The following XRRA1 variants were observed in gnomAD, a reference collection of about 807,000 sequenced individuals.
The protein encoded by XRRA1 is X-ray radiation resistance associated 1.
Under a neutral mutation model 80.2 loss-of-function variants are expected in XRRA1, and 69 were observed. The ratio of observed to expected loss-of-function variants is 0.86; its 90% CI spans 0.71 to 1.05. The LOEUF (loss-of-function observed/expected upper bound fraction) is 1.05, where lower values mean the gene tolerates loss of function less well. Among genes scored for constraint, XRRA1 ranks in the 50% least tolerant of loss-of-function variants. The pLI is 0.00. For synonymous variants in XRRA1, 348 were observed against 389.9 expected (o/e 0.89, Z 1.27); for missense variants, 967 against 976.4 (o/e 0.99, Z 0.13).
chr11:74,882,476 T>G (rs2047896579), intron 10 of XRRA1, among the ~76,000 whole-genome samples: 1 of 152,112 alleles, frequency 6.6e-6, no homozygotes, highest in Non-Finnish European at 1.5e-5. Context: ...TAGCTCAGAG[T>G]AATTTGATCG....
chr11:74,923,281 G>C (rs1170957403), intron 7 of XRRA1, among the ~76,000 whole-genome samples: 2 of 152,192 alleles, frequency 1.3e-5, no homozygotes, highest in African/African-American at 4.8e-5. Context: ...GAAGTCCCTG[G>C]CATAAGAAAT....
chr11:74,949,013 G>C lies in XRRA1; in HGVS notation c.-158C>G, dbSNP rs1948232760. 1.2e-5 allele frequency: 4 copies of C among 323,936 alleles called. No individual in the cohort carries two copies. The South Asian group carries it at 1.5e-4, about 12-fold the overall frequency. 20.1% of individuals were successfully genotyped at this position (323,936 alleles called of 1,614,324 possible). On this transcript the variant is annotated 5_prime_UTR_variant, in exon 1 of 19. Coordinates refer to ENST00000684022, the MANE Select transcript of XRRA1 (RefSeq NM_001378157.1). ...GGATGCGCGCCTGCGAGCCCCCCGG[G>C]GATCTCGGAGCCGCTCCACTGCGGT...
intron 5 of XRRA1, among the ~76,000 whole-genome samples, chr11:74,932,757 C>G (rs539630408): frequency 1.3e-5 from 2 of 152,292 alleles, no homozygotes; most frequent in South Asian, 4.1e-4. Flanking sequence ...GAGGGCCTCT[C>G]AGCCACAAGA....
At chr11:74,888,454 C>G (rs1591052366) in intron 10 of XRRA1, among the ~76,000 whole-genome samples, 2 of 152,230 alleles carry the variant, frequency 1.3e-5, no homozygotes, top group South Asian at 4.1e-4. Flanking sequence ...TAGATAAAAC[C>G]ACAAAGATGG....
intron 2 of XRRA1, among the ~76,000 whole-genome samples, chr11:74,943,569 C>CAGAGAGAGAG (rs141326220): frequency 1.2e-5 from 1 of 86,654 alleles, no homozygotes; most frequent in African/African-American, 4.0e-5. Flanking sequence ...GTGTATGTGT[C>CAGAGAGAGAG]AGAGAGAGAG....
intron 2 of XRRA1, among the ~76,000 whole-genome samples, chr11:74,943,033 T>C (rs1946654408): frequency 6.6e-6 from 1 of 152,116 alleles, no homozygotes; most frequent in Non-Finnish European, 1.5e-5. Context: ...TCAGGGACAG[T>C]TGTGATGGGA....
At chr11:74,850,704 T>G (rs1215295531) in intron 14 of XRRA1, among the ~76,000 whole-genome samples, 1 of 152,190 alleles carries the variant, frequency 6.6e-6, no homozygotes, top group Non-Finnish European at 1.5e-5. Flanking sequence ...GCTATTCTTT[T>G]TTTTGTTTTG....
Position 74,843,163 on chromosome 11 carries a change from A to C in XRRA1, c.*37T>G. On this transcript the variant is annotated 3_prime_UTR_variant, in exon 19 of 19. Transcript: ENST00000684022. ...CAGAGCCCTCGGGGAGAGCTGGGGCACAGGCCGGGTGGTGCACACAGCCCC... is the reference window on the plus strand; with the variant it reads ...CAGAGCCCTCGGGGAGAGCTGGGGCCCAGGCCGGGTGGTGCACACAGCCCC... The C allele has an allele frequency of 3.3e-6, 5 of 1,525,682 alleles. No homozygotes were observed. Among genetic ancestry groups the C allele is most frequent in the Non-Finnish European group, 3.5e-6 (4 of 1,131,994 alleles). The allele number at this position is 1,525,682 out of a possible 1,614,324, so 94.5% of individuals were successfully genotyped here.
At chr11:74,917,065 G>A (rs912530822) in intron 8 of XRRA1, among the ~76,000 whole-genome samples, 55 of 152,316 alleles carry the variant, frequency 3.6e-4, no homozygotes, top group African/African-American at 1.2e-3. Flanking sequence ...CTCTTCAGCT[G>A]GAGCAGAAAG....
Position 74,921,328 on chromosome 11 carries a change from T to C in XRRA1, c.542A>G (p.Asn181Ser). The change falls in exon 8 of 19, where the codon AAC becomes AGC. Residue 181 changes from asparagine (N) to serine (S), a missense_variant. Physicochemically the swap from Asn to Ser is conservative, Grantham distance 46 (BLOSUM62 1). Transcript: ENST00000684022. ...KLLEFLDLSFNSLTVEAICDL... is the reference protein window; with the variant it reads ...KLLEFLDLSFSSLTVEAICDL... The stretch of plus-strand genomic sequence containing the variant: ...ACAGATGGCCTCCACAGTCAGGCTG[T>C]TGAAGGAAAGGTCCAAGAACTGCCA... 6.2e-7 allele frequency: 1 copy of C among 1,613,928 alleles called. No homozygotes were observed. Among genetic ancestry groups the C allele is most frequent in the Non-Finnish European group, 8.5e-7 (1 of 1,179,856 alleles).
intron 10 of XRRA1, among the ~76,000 whole-genome samples, chr11:74,867,294 G>A (rs181546698): frequency 6.6e-6 from 1 of 152,272 alleles, no homozygotes; most frequent in East Asian, 1.9e-4. Context: ...TGACATTCAG[G>A]AGAAAGTTGA....
At chr11:74,869,792 A>C (rs563783365) in intron 10 of XRRA1, among the ~76,000 whole-genome samples, 7 of 152,304 alleles carry the variant, frequency 4.6e-5, no homozygotes, top group Non-Finnish European at 8.8e-5. Context: ...TCAGGCACCT[A>C]TAAGAGCCCC....
intron 12 of XRRA1, among the ~76,000 whole-genome samples, chr11:74,852,317 G>C (rs182265658): frequency 6.0e-4 from 92 of 152,276 alleles, no homozygotes; most frequent in Non-Finnish European, 9.3e-4. Flanking sequence ...TCACTGTTGC[G>C]TGTTTAAGAG....
chr11:74,935,774 A>T lies in XRRA1; in HGVS notation c.279+1110T>A, dbSNP rs1202625978. On this transcript the variant is annotated intron_variant, in intron 4 of 18. Transcript: ENST00000684022. ...GAACTATCCAATAGGCAGAGTGGATACCCCATGATTCTGAAAAACATCCTT... is the reference window on the plus strand; with the variant it reads ...GAACTATCCAATAGGCAGAGTGGATTCCCCATGATTCTGAAAAACATCCTT... Among the ~76,000 whole-genome samples, 4 of 152,312 alleles carry T rather than the reference A, an allele frequency of 2.6e-5. No individual in the cohort carries two copies. The East Asian group carries it at 7.7e-4, about 29-fold the overall frequency.
Position 74,843,346 on chromosome 11 carries a change from T to G in XRRA1, c.2257A>C (p.Ser753Arg), listed in dbSNP as rs2036913822. 1 of 1,610,384 alleles carries G rather than the reference T, an allele frequency of 6.2e-7. No individual in the cohort carries two copies. Among genetic ancestry groups the G allele is most frequent in the African/African-American group, 1.3e-5 (1 of 74,872 alleles). The change falls in exon 19 of 19, where the codon AGT (serine) becomes CGT (arginine). Residue 753 changes from serine (S) to arginine (R), a missense_variant. Transcript: ENST00000684022. The part of the protein sequence containing the change: ...EFQARYRQLV[S>R]GSLRTVFGTT... ...CCGAACACTGTGCGCAGAGAGCCACTCACCAGCTGCCGGTAACGTGCCTGG... is the reference window on the plus strand; with the variant it reads ...CCGAACACTGTGCGCAGAGAGCCACGCACCAGCTGCCGGTAACGTGCCTGG...
intron 10 of XRRA1, among the ~76,000 whole-genome samples, chr11:74,877,278 A>G (rs2046251712): frequency 6.6e-6 from 1 of 152,182 alleles, no homozygotes; most frequent in African/African-American, 2.4e-5. Context: ...ATGGCAAGTC[A>G]AGGGGGAATA....
Position 74,845,114 on chromosome 11 carries a change from A to C in XRRA1, c.1886T>G (p.Leu629Arg). The change falls in exon 16 of 19, where the codon CTG becomes CGG. Residue 629 changes from leucine (L) to arginine (R), a missense_variant. Leu to Arg is a moderately radical substitution (Grantham distance 102). Coordinates refer to ENST00000684022, the MANE Select transcript of XRRA1 (RefSeq NM_001378157.1). The stretch of plus-strand genomic sequence containing the variant: ...GGCTGGATCAGGCTTGGCTGTCAGC[A>C]GTTCTTCATAGCCGTGGTACTTGCT... ...LPSKYHGYEE[L>R]LTAKPDPAFI... 6.2e-7 allele frequency: 1 copy of C among 1,614,006 alleles called. No individual in the cohort carries two copies. Among genetic ancestry groups the C allele is most frequent in the Non-Finnish European group, 8.5e-7 (1 of 1,179,898 alleles).
intron 9 of XRRA1, chr11:74,906,765 A>G (rs1361163441): frequency 9.4e-6 from 4 of 426,318 alleles, no homozygotes; most frequent in Non-Finnish European, 1.7e-5. Flanking sequence ...AAAGCTTAAC[A>G]ATGTAAATGC....
intron 10 of XRRA1, among the ~76,000 whole-genome samples, chr11:74,897,621 A>T (rs1211326484): frequency 1.3e-5 from 2 of 151,622 alleles, no homozygotes; most frequent in Non-Finnish European, 2.9e-5. Flanking sequence ...AACAACATAC[A>T]ATGGAGCACC....
Sources: gnomAD v4.1 joint callset for allele counts (sites outside exome capture counted in the v4.1 genomes callset) on GRCh38, gnomAD v4.1.1 for gene constraint, MANE v1.5 for transcripts, NCBI Gene and HGNC (gene_info 2026-07-23, HGNC 2026-07-21) for gene names.